WWOX: variants seen among roughly 807,000 people sequenced by gnomAD.
WWOX encodes the protein WW domain-containing oxidoreductase.
Under a neutral mutation model 46.2 loss-of-function variants are expected in WWOX, and 69 were observed. The ratio of observed to expected loss-of-function variants is 1.49; its 90% CI spans 1.23 to 1.82. WWOX has a LOEUF of 1.82. WWOX is among the 40% of genes most tolerant of loss of function. The pLI is 0.00. For synonymous variants in WWOX, 359 were observed against 202.6 expected (o/e 1.77, Z -6.56); for missense variants, 919 against 542.6 (o/e 1.69, Z -6.89).
intron 8 of WWOX, among the ~76,000 whole-genome samples, chr16:78,876,859 C>G (rs1012324097): frequency 6.6e-6 from 1 of 152,184 alleles, no homozygotes; most frequent in Non-Finnish European, 1.5e-5. Context: ...GTGGAACGCT[C>G]TTTCTAGTTT....
intron 8 of WWOX, among the ~76,000 whole-genome samples, chr16:78,813,868 AG>A (rs1422834784): frequency 1.3e-5 from 2 of 152,162 alleles, no homozygotes; most frequent in African/African-American, 4.8e-5. Context: ...ACATTTAGCA[AG>A]CATGTAGCTG....
chr16:78,605,983 G>T (rs925511222), intron 8 of WWOX, among the ~76,000 whole-genome samples: 1 of 152,188 alleles, frequency 6.6e-6, no homozygotes, highest in African/African-American at 2.4e-5. Flanking sequence ...GCTTTGGCTG[G>T]AGTAGTACTG....
chr16:79,006,228 A>G (rs1027128338), intron 8 of WWOX, among the ~76,000 whole-genome samples: 2 of 152,196 alleles, frequency 1.3e-5, no homozygotes, highest in African/African-American at 4.8e-5. Context: ...CTTTAAGGAT[A>G]AGTGGCATTT....
chr16:78,587,556 C>A (rs1414281615), intron 8 of WWOX, among the ~76,000 whole-genome samples: 1 of 152,022 alleles, frequency 6.6e-6, no homozygotes, highest in Non-Finnish European at 1.5e-5. Context: ...GAGATTCGCT[C>A]ACTGCCCTCC....
chr16:78,157,274 T>C (rs1240320506), intron 4 of WWOX, among the ~76,000 whole-genome samples: 1 of 152,184 alleles, frequency 6.6e-6, no homozygotes, highest in African/African-American at 2.4e-5. Context: ...ATTAGCCTGA[T>C]TGATGGGGCA....
intron 8 of WWOX, among the ~76,000 whole-genome samples, chr16:78,914,347 C>CAGT (rs1280729912): frequency 6.6e-6 from 1 of 152,040 alleles, no homozygotes; most frequent in Non-Finnish European, 1.5e-5. Flanking sequence ...GCACTTAGAA[C>CAGT]AGTACCTGGC....
rs557793519 is a variant in WWOX, at chr16:78,970,759, T to C, written c.1057-240849T>C. 8.5e-5 allele frequency among the ~76,000 whole-genome samples: 13 copies of C among 152,238 alleles called. No homozygotes were observed. In the South Asian group the frequency reaches 1.9e-3, roughly 22 times the overall value. On this transcript the variant is annotated intron_variant, in intron 8 of 8. Coordinates refer to ENST00000566780, the MANE Select transcript of WWOX (RefSeq NM_016373.4). ...GTGTACCTCCCCTCCTTCTTCCTTA[T>C]TAGTCGTGATTCTTGGGGGGCAACT...
At chr16:78,468,094 C>T (rs1287609696) in intron 8 of WWOX, among the ~76,000 whole-genome samples, 1 of 152,090 alleles carries the variant, frequency 6.6e-6, no homozygotes, top group African/African-American at 2.4e-5. Context: ...TAAGTGTCCT[C>T]ATTGCCCTCT....
At chr16:78,517,671 C>T (rs1222738145) in intron 8 of WWOX, among the ~76,000 whole-genome samples, 2 of 152,034 alleles carry the variant, frequency 1.3e-5, no homozygotes, top group Non-Finnish European at 2.9e-5. Flanking sequence ...CTGGTGGAAG[C>T]GCGAGGTGGT....
At chr16:78,579,251 G>A (rs568751092) in intron 8 of WWOX, among the ~76,000 whole-genome samples, 20 of 152,276 alleles carry the variant, frequency 1.3e-4, no homozygotes, top group African/African-American at 4.6e-4. Flanking sequence ...TTACGTCACA[G>A]TTTCGTCAAG....
At chr16:79,096,452 A>G (rs8058305) in intron 8 of WWOX, among the ~76,000 whole-genome samples, 1,919 of 151,960 alleles carry the variant, frequency 0.013, 24 homozygotes, top group Non-Finnish European at 0.021. Context: ...CTGCTGTTCA[A>G]TGGAATGAGA....
In WWOX at chr16:79,030,120, A is replaced by C. The variant is rs997511193; in HGVS notation, c.1057-181488A>C. Among the ~76,000 whole-genome samples the C allele has an allele frequency of 2.0e-5, 3 of 152,162 alleles. No individual in the cohort carries two copies. In the South Asian group the frequency reaches 6.2e-4, roughly 31 times the overall value. ...TATAAAACTGTTACAAATGGAGCTT[A>C]TTGTTCACCAGAATTTTATGAATAA... is the stretch of plus-strand genomic sequence containing the variant. On this transcript the variant is annotated intron_variant, in intron 8 of 8. Coordinates refer to ENST00000566780, the MANE Select transcript of WWOX (RefSeq NM_016373.4).
intron 8 of WWOX, among the ~76,000 whole-genome samples, chr16:78,548,795 A>G (rs189834274): frequency 1.7e-3 from 259 of 152,326 alleles, no homozygotes; most frequent in Non-Finnish European, 3.1e-3. Flanking sequence ...TTGAAAATAA[A>G]CGCCTTCATT....
At chr16:79,095,911 C>T (rs2049059431) in intron 8 of WWOX, among the ~76,000 whole-genome samples, 1 of 142,948 alleles carries the variant, frequency 7.0e-6, no homozygotes, top group South Asian at 2.2e-4. Flanking sequence ...GTTGTTTAGG[C>T]ATGATCTAGC....
intron 6 of WWOX, among the ~76,000 whole-genome samples, chr16:78,420,970 G>A (rs1220606101): frequency 2.6e-5 from 4 of 152,100 alleles, no homozygotes; most frequent in African/African-American, 9.7e-5. Flanking sequence ...AATTGAGAAA[G>A]TTTGGGAACC....
intron 8 of WWOX, among the ~76,000 whole-genome samples, chr16:78,545,622 G>A (rs547686044): frequency 6.6e-6 from 1 of 152,308 alleles, no homozygotes; most frequent in African/African-American, 2.4e-5. Flanking sequence ...CGATTAAATA[G>A]CCATTGAGTC....
chr16:79,001,167 G>C (rs1402786572), intron 8 of WWOX, among the ~76,000 whole-genome samples: 2 of 152,192 alleles, frequency 1.3e-5, no homozygotes, highest in Non-Finnish European at 2.9e-5. Context: ...ATTTGCTGCT[G>C]AATGCACTTT....
At chr16:79,141,614 C>A (rs533331841) in intron 8 of WWOX, among the ~76,000 whole-genome samples, 5 of 152,214 alleles carry the variant, frequency 3.3e-5, no homozygotes, top group Non-Finnish European at 5.9e-5. Flanking sequence ...AAAATGTCCT[C>A]CAAAGAAGTT....
At chr16:78,697,255 G>T (rs1008434473) in intron 8 of WWOX, among the ~76,000 whole-genome samples, 9 of 152,166 alleles carry the variant, frequency 5.9e-5, no homozygotes, top group Admixed American at 2.0e-4. Flanking sequence ...TTTCCATAGT[G>T]GTTGTACTAG....
Sources: gnomAD v4.1 joint callset for allele counts (sites outside exome capture counted in the v4.1 genomes callset) on GRCh38, gnomAD v4.1.1 for gene constraint, MANE v1.5 for transcripts, NCBI Gene and HGNC (gene_info 2026-07-23, HGNC 2026-07-21) for gene names.